Variants in CMPK2 observed in about 807,000 individuals in gnomAD.
The protein encoded by CMPK2 is UMP-CMP kinase 2, mitochondrial.
Under a neutral mutation model 33.4 loss-of-function variants are expected in CMPK2, and 32 were observed. The observed-to-expected ratio is 0.96, with a 90% confidence interval of 0.72 to 1.29. CMPK2 has a LOEUF of 1.29. Ranked by LOEUF, CMPK2 falls within the 50% of genes most tolerant of loss-of-function variation. The pLI, the probability that CMPK2 is intolerant of heterozygous loss-of-function variation, is 0.00. For missense variants in CMPK2, 672 were observed against 616.0 expected (o/e 1.09, Z -0.96); for synonymous variants, 299 against 275.3 (o/e 1.09, Z -0.85).
At chr2:6,861,446 A>G (rs1203640096) in intron 2 of CMPK2, 61 bp from the exon 3 acceptor site, 2 of 1,291,494 alleles carry the variant, frequency 1.5e-6, no homozygotes, top group African/African-American at 2.9e-5. Context: ...ACATTGACGT[A>G]GAAAGAGCAC....
At chr2:6,842,028 A>G (rs186421611) in intron 3 of CMPK2, among the ~76,000 whole-genome samples, 1 of 152,294 alleles carries the variant, frequency 6.6e-6, no homozygotes, top group East Asian at 1.9e-4. Context: ...CAGCTAATTG[A>G]GCACTGTACC....
At chr2:6,861,700 A>C (rs1662887727) in intron 2 of CMPK2, among the ~76,000 whole-genome samples, 1 of 152,048 alleles carries the variant, frequency 6.6e-6, no homozygotes, top group Admixed American at 6.6e-5. Flanking sequence ...CACCCAGAAG[A>C]CTTTCTCTCC....
Position 6,863,521 on chromosome 2 carries a change from T to A in CMPK2, c.733A>T (p.Lys245Ter). The A allele has an allele frequency of 6.2e-7, 1 of 1,614,206 alleles. No homozygotes were observed. The highest frequency in any genetic ancestry group is 1.1e-5 in the South Asian group (1 of 91,074). Residue 245 changes from lysine to a stop codon, truncating the protein, a stop_gained, in exon 2 of 5, where the codon AAA becomes TAA. Transcript: ENST00000256722. LOFTEE classifies it high-confidence loss of function. ...TGGAACTTTCCTTTCTGGATCTGTTTTGGGCACTGGTCGACCAGGTCAAGC... is the reference window on the plus strand; with the variant it reads ...TGGAACTTTCCTTTCTGGATCTGTTATGGGCACTGGTCGACCAGGTCAAGC... ...AVLDLVDQCP[K>*]QIQKGKFQVV...
rs565230012 is a variant in CMPK2, at chr2:6,858,589, A to T, written c.992+2595T>A. ...CATGCTGTTCTCATGATAGTGACTA[A>T]GTCTCACAAGATCTGATGGTTTTAA... is the stretch of plus-strand genomic sequence containing the variant. On this transcript the variant is annotated intron_variant, in intron 3 of 4. Coordinates refer to ENST00000256722, the MANE Select transcript of CMPK2 (RefSeq NM_207315.4). Among the ~76,000 whole-genome samples, 339 of 152,092 alleles carry T rather than the reference A, an allele frequency of 2.2e-3. 2 individuals are homozygous for T. Among genetic ancestry groups the T allele is most frequent in the Non-Finnish European group, 4.2e-3 (285 of 68,000 alleles).
At chr2:6,863,364 T>C in intron 2 of CMPK2, 100 bp downstream of exon 2, 1 of 971,920 alleles carries the variant, frequency 1.0e-6, no homozygotes, top group Non-Finnish European at 1.6e-6. Flanking sequence ...GGGGCACACA[T>C]AAGGCTCCAT....
At chr2:6,866,049 G>T, upstream of CMPK2, 1 of 321,156 alleles carries the variant, frequency 3.1e-6, no homozygotes. Flanking sequence ...CCCCAAGGTA[G>T]CTCCGTGTGC....
At chr2:6,856,779 A>C (rs1270341382) in intron 3 of CMPK2, among the ~76,000 whole-genome samples, 1 of 152,182 alleles carries the variant, frequency 6.6e-6, no homozygotes, top group African/African-American at 2.4e-5. Context: ...TCTTTTGGCA[A>C]CTTGACATTT....
downstream of CMPK2, among the ~76,000 whole-genome samples, chr2:6,844,525 G>A (rs983471294): frequency 6.6e-6 from 1 of 152,156 alleles, no homozygotes; most frequent in Non-Finnish European, 1.5e-5. Flanking sequence ...TTTGGTACTT[G>A]TCCTTCTCAA....
intron 3 of CMPK2, among the ~76,000 whole-genome samples, chr2:6,860,213 T>C (rs1662831132): frequency 6.6e-6 from 1 of 152,222 alleles, no homozygotes; most frequent in South Asian, 2.1e-4. Context: ...TACAGGCTCA[T>C]AGGTGGAAGA....
At chr2:6,856,991 C>T (rs2103223460) in intron 3 of CMPK2, among the ~76,000 whole-genome samples, 1 of 152,350 alleles carries the variant, frequency 6.6e-6, no homozygotes, top group African/African-American at 2.4e-5. Flanking sequence ...CTTCAGTAGG[C>T]AGGAGCAATC....
At chr2:6,846,471 C>T (rs1040944776), downstream of CMPK2, among the ~76,000 whole-genome samples, 16 of 152,298 alleles carry the variant, frequency 1.1e-4, no homozygotes, top group Admixed American at 7.8e-4. Flanking sequence ...CTTTGAATTA[C>T]ATTCTTGATT....
rs780616810 is a variant in CMPK2 at position 6,861,227 on chromosome 2, C to T, written c.949G>A (p.Glu317Lys). 31 of 1,613,916 alleles carry T rather than the reference C, an allele frequency of 1.9e-5. No individual in the cohort carries two copies. Among genetic ancestry groups the T allele is most frequent in the Non-Finnish European group, 2.4e-5 (28 of 1,180,020 alleles). The change falls in exon 3 of 5, where the codon GAA becomes AAA. Residue 317 changes from glutamate (E) to lysine (K), a missense_variant. By Grantham distance (56) the Glu-to-Lys change is moderately conservative (BLOSUM62 1). Coordinates refer to ENST00000256722, the MANE Select transcript of CMPK2 (RefSeq NM_207315.4). Reference protein sequence around the residue: ...YSLGNYIVASEIAKESAKSPV... With the variant: ...YSLGNYIVASKIAKESAKSPV... ...GATTTGGCAGATTCTTTAGCTATTT[C>T]GGAGGCCACAATATAATTGCCCAAA... is the stretch of plus-strand genomic sequence containing the variant.
rs775975788 is a variant in CMPK2 at position 6,865,126 on chromosome 2, G to C, written c.571C>G (p.Gln191Glu). 1.7e-4 allele frequency: 263 copies of C among 1,519,748 alleles called. No individual in the cohort carries two copies. The highest frequency in any genetic ancestry group is 2.3e-4 in the Non-Finnish European group (260 of 1,134,544). The allele number at this position is 1,519,748 out of a possible 1,614,324, so 94.1% of individuals were successfully genotyped here. ...DGRRLQVGCA[Q>E]VVPVPEPPLH... ...GGGGGCTCCGGGACGGGCACGACCT[G>C]TGCGCAGCCCACCTGCAGCCGCCTG... is the stretch of plus-strand genomic sequence containing the variant. Residue 191 changes from glutamine (Q) to glutamate (E), a missense_variant, in exon 1 of 5, where the codon CAG becomes GAG. Gln to Glu is a conservative substitution (Grantham distance 29). Coordinates refer to ENST00000256722, the MANE Select transcript of CMPK2 (RefSeq NM_207315.4).
downstream of CMPK2, among the ~76,000 whole-genome samples, chr2:6,846,593 G>A (rs1662368127): frequency 6.6e-6 from 1 of 152,212 alleles, no homozygotes; most frequent in African/African-American, 2.4e-5. Context: ...CAAGAAGAAA[G>A]AAGGAAAATG....
intron 4 of CMPK2, chr2:6,851,222 T>A: frequency 7.5e-7 from 1 of 1,335,524 alleles, no homozygotes; most frequent in East Asian, 3.3e-5. Context: ...CCAGGATCAG[T>A]GGCAGGGTCT....
At position 6,865,387 on chromosome 2, in the gene CMPK2, G is replaced by A; in HGVS notation, c.310C>T (p.Arg104Cys). The part of the protein sequence containing the change: ...LHQRLLHQLR[R>C]GPFQRCQLLR... ...AGCTGGCACCGCTGGAAGGGGCCGC[G>A]GCGCAGCTGGTGCAGCAGGCGCTGG... is the stretch of plus-strand genomic sequence containing the variant. Residue 104 changes from arginine to cysteine, a missense_variant, in exon 1 of 5, where the codon CGC becomes TGC. By Grantham distance (180) the Arg-to-Cys change is radical (BLOSUM62 -3). Coordinates refer to ENST00000256722, the MANE Select transcript of CMPK2 (RefSeq NM_207315.4). 7.3e-7 allele frequency: 1 copy of A among 1,372,240 alleles called. No individual in the cohort carries two copies. The highest frequency in any genetic ancestry group is 9.3e-7 in the Non-Finnish European group (1 of 1,072,294). 85.0% of individuals were successfully genotyped at this position (1,372,240 alleles called of 1,614,324 possible). A position where few individuals can be genotyped will look rare whatever the true frequency, so the allele number is the denominator to read the frequency against.
At chr2:6,851,391 T>A in intron 4 of CMPK2, 59 bp downstream of exon 4, 1 of 1,609,350 alleles carries the variant, frequency 6.2e-7, no homozygotes, top group Non-Finnish European at 8.5e-7. Context: ...CCAGTGCCAG[T>A]GGTTCATCTC....
chr2:6,851,364 T>G, intron 4 of CMPK2, 86 bp downstream of exon 4: 1 of 1,579,260 alleles, frequency 6.3e-7, no homozygotes, highest in Non-Finnish European at 8.6e-7. Context: ...CAATATCACT[T>G]CCTCACAATC....
intron 2 of CMPK2, among the ~76,000 whole-genome samples, chr2:6,862,740 C>CCCTA (rs1436341866): frequency 2.6e-5 from 4 of 152,206 alleles, no homozygotes; most frequent in African/African-American, 9.7e-5. Flanking sequence ...TGCCACATCT[C>CCCTA]CCTAGCTGGG....
Sources: gnomAD v4.1 joint callset for allele counts (sites outside exome capture counted in the v4.1 genomes callset) on GRCh38, gnomAD v4.1.1 for gene constraint, MANE v1.5 for transcripts, NCBI Gene and HGNC (gene_info 2026-07-23, HGNC 2026-07-21) for gene names.